The following FKBP1B variants were observed in gnomAD, a reference collection of about 807,000 sequenced individuals.
FKBP1B encodes peptidyl-prolyl cis-trans isomerase FKBP1B.
A neutral mutation model predicts 13.5 loss-of-function variants in FKBP1B; 4 were observed. That is an observed-to-expected ratio of 0.30 (90% CI 0.15 to 0.68). The LOEUF is 0.68. FKBP1B is among the 30% of genes least tolerant of loss of function. FKBP1B has a pLI of 0.76. For synonymous variants in FKBP1B, 54 were observed against 53.6 expected, an observed-to-expected ratio of 1.01 and a Z score of -0.03; for missense variants, 93 against 136.2, an observed-to-expected ratio of 0.68 and a Z score of 1.58.
At chr2:24,059,147 G>T (rs1664265361) in intron 2 of FKBP1B, among the ~76,000 whole-genome samples, 1 of 152,192 alleles carries the variant, frequency 6.6e-6, no homozygotes, top group African/African-American at 2.4e-5. Flanking sequence ...TACAAGCAAG[G>T]TCTTTTTCTA....
the FKBP1B span, chr2:24,039,316 A>T: frequency 1.2e-6 from 2 of 1,614,234 alleles, no homozygotes; most frequent in Non-Finnish European, 1.7e-6. Flanking sequence ...CAACCCACAG[A>T]CACATTCAAA....
chr2:24,044,454 A>G, the FKBP1B span, among the ~76,000 whole-genome samples: 3 of 152,044 alleles, frequency 2.0e-5, no homozygotes, highest in Non-Finnish European at 4.4e-5. Context: ...TTTAGTAGAG[A>G]CTGGGTTTCA....
chr2:24,046,408 G>C (rs181069232), upstream of FKBP1B, among the ~76,000 whole-genome samples: 1 of 152,174 alleles, frequency 6.6e-6, no homozygotes, highest in Non-Finnish European at 1.5e-5. Context: ...AATCTCCAGA[G>C]TATAAGTTTT....
the FKBP1B span, chr2:24,038,761 T>A: frequency 6.2e-7 from 1 of 1,614,220 alleles, no homozygotes; most frequent in African/African-American, 1.3e-5. Context: ...CGGAGTCATG[T>A]CTTTACTGTT....
At chr2:24,056,786 G>T (rs143466644) in intron 2 of FKBP1B, among the ~76,000 whole-genome samples, 1 of 152,186 alleles carries the variant, frequency 6.6e-6, no homozygotes, top group East Asian at 1.9e-4. Flanking sequence ...CACTTCCCGG[G>T]TTCAAGTGAT....
chr2:24,045,703 T>A (rs1444882695), upstream of FKBP1B: 1 of 150,280 alleles, frequency 6.7e-6, no homozygotes, highest in Admixed American at 6.6e-5. Flanking sequence ...GCAGGCACAG[T>A]GGCTAACACC....
chr2:24,052,224 G>A (rs956085165), intron 1 of FKBP1B, among the ~76,000 whole-genome samples: 7 of 152,122 alleles, frequency 4.6e-5, no homozygotes, highest in African/African-American at 1.2e-4. Flanking sequence ...TGCAACAGAC[G>A]CCTAACCGTC....
At chr2:24,035,488 G>C in the FKBP1B span, among the ~76,000 whole-genome samples, 1 of 151,910 alleles carries the variant, frequency 6.6e-6, no homozygotes, top group African/African-American at 2.4e-5. Context: ...ATACAGTTTT[G>C]CTTTTTAAAC....
chr2:24,061,231 G>C (rs191278163), intron 3 of FKBP1B, among the ~76,000 whole-genome samples: 1 of 152,172 alleles, frequency 6.6e-6, no homozygotes, highest in South Asian at 2.1e-4. Context: ...TTGGGAGGCC[G>C]AATGGGGTGG....
the FKBP1B span, among the ~76,000 whole-genome samples, chr2:24,041,949 T>C: frequency 4.0e-5 from 6 of 151,814 alleles, no homozygotes; most frequent in African/African-American, 1.4e-4. Flanking sequence ...AATACTCACT[T>C]TGAAATATAA....
chr2:24,037,916 G>C, the FKBP1B span: 1 of 1,614,176 alleles, frequency 6.2e-7, no homozygotes, highest in Non-Finnish European at 8.5e-7. Context: ...GTGCTGCTGT[G>C]TCTGGGCAGC....
chr2:24,061,971 G>A (rs1310719379), intron 3 of FKBP1B, among the ~76,000 whole-genome samples: 2 of 152,078 alleles, frequency 1.3e-5, no homozygotes, highest in Non-Finnish European at 2.9e-5. Context: ...CTGGGTTCAC[G>A]CCATTCTTCT....
chr2:24,053,617 A>T (rs1348522107), intron 1 of FKBP1B, among the ~76,000 whole-genome samples: 1 of 146,332 alleles, frequency 6.8e-6, no homozygotes, highest in Non-Finnish European at 1.5e-5. Flanking sequence ...TGTGGAATGG[A>T]TGATGTGAAG....
the FKBP1B span, among the ~76,000 whole-genome samples, chr2:24,042,803 C>A: frequency 2.0e-5 from 3 of 151,914 alleles, no homozygotes; most frequent in Non-Finnish European, 2.9e-5. Flanking sequence ...GAGGCCGAGG[C>A]GGGCAGATCA....
the FKBP1B span, among the ~76,000 whole-genome samples, chr2:24,036,142 A>G: frequency 2.0e-5 from 3 of 149,986 alleles, no homozygotes; most frequent in African/African-American, 7.3e-5. Context: ...CTGTGACTTA[A>G]AAAAAAAAAT....
In FKBP1B at chr2:24,050,102, T is replaced by TCGGAGGCGGGGGTCTGCGGCC. The variant is rs1028596001; in HGVS notation, c.37+240_37+260dup. On this transcript the variant is annotated intron_variant, in intron 1 of 3. Transcript: ENST00000380986. This position sits in a 1 kb window ranked among gnomAD's most constrained non-coding sequence, Gnocchi z 5.8. ...CACCTAGGGGAATGTAGGCGGCAGC[T>TCGGAGGCGGGGGTCTGCGGCC]CGGAGGCGGGGGTCTGCGGCCCGGA... Among the ~76,000 whole-genome samples the TCGGAGGCGGGGGTCTGCGGCC allele has an allele frequency of 2.6e-5, 4 of 151,300 alleles. No individual in the cohort carries two copies. The highest frequency in any genetic ancestry group is 7.3e-5 in the African/African-American group (3 of 41,112).
intron 1 of FKBP1B, 110 bp from the exon 2 acceptor site, chr2:24,053,792 C>A: frequency 1.9e-6 from 2 of 1,038,022 alleles, no homozygotes; most frequent in South Asian, 1.3e-5. Context: ...CAGGCATCTC[C>A]ATGGCATGGA....
At chr2:24,057,052 T>C (rs930509995) in intron 2 of FKBP1B, among the ~76,000 whole-genome samples, 2 of 152,232 alleles carry the variant, frequency 1.3e-5, no homozygotes, top group Non-Finnish European at 2.9e-5. Context: ...GAGTCTTTTG[T>C]TGGTTATATC....
chr2:24,060,278 C>G (rs1281096578), intron 2 of FKBP1B, among the ~76,000 whole-genome samples: 2 of 152,036 alleles, frequency 1.3e-5, no homozygotes, highest in Admixed American at 6.6e-5. Context: ...AGGCCAGGCA[C>G]AGTGGCTCAT....
Sources: allele counts gnomAD v4.1 joint callset (sites outside exome capture counted in the v4.1 genomes callset), GRCh38; gene constraint gnomAD v4.1.1; non-coding constraint Gnocchi (gnomAD v3.1); transcripts MANE v1.5; gene names NCBI Gene and HGNC (gene_info 2026-07-23, HGNC 2026-07-21).